The following PCSK2 variants were observed in gnomAD, a reference collection of about 807,000 sequenced individuals.
PCSK2 encodes the protein neuroendocrine convertase 2.
Under a neutral mutation model 69.7 loss-of-function variants are expected in PCSK2, and 14 were observed. The ratio of observed to expected loss-of-function variants is 0.20; its 90% CI spans 0.13 to 0.31. The LOEUF is 0.31. Ranked by LOEUF, PCSK2 falls within the 10% of genes least tolerant of loss-of-function variation. PCSK2 has a pLI of 1.00. For missense variants in PCSK2, 544 were observed against 842.5 expected, an observed-to-expected ratio of 0.65 and a Z score of 4.39; for synonymous variants, 307 against 320.7, an observed-to-expected ratio of 0.96 and a Z score of 0.46.
At chr20:17,257,151 G>A (rs767314178) in intron 1 of PCSK2, among the ~76,000 whole-genome samples, 2 of 152,044 alleles carry the variant, frequency 1.3e-5, no homozygotes, top group African/African-American at 2.4e-5. Flanking sequence ...TACTTACGTG[G>A]CCAACAAACA....
intron 1 of PCSK2, among the ~76,000 whole-genome samples, chr20:17,252,698 C>T (rs760014811): frequency 1.3e-5 from 2 of 152,178 alleles, no homozygotes; most frequent in Non-Finnish European, 2.9e-5. Flanking sequence ...GTGTGCAAAT[C>T]TTCCTTCCCT....
At chr20:17,236,472 A>T (rs1234588056) in intron 1 of PCSK2, among the ~76,000 whole-genome samples, 1 of 152,124 alleles carries the variant, frequency 6.6e-6, no homozygotes, top group Non-Finnish European at 1.5e-5. Flanking sequence ...TGCTTTGTAA[A>T]ATGGGGAAAT....
At chr20:17,428,968 C>T (rs928272583) in intron 6 of PCSK2, among the ~76,000 whole-genome samples, 4 of 118,778 alleles carry the variant, frequency 3.4e-5, no homozygotes, top group African/African-American at 1.3e-4. Context: ...CACTGCATTC[C>T]AGCCTGGGTG....
At chr20:17,428,997 C>CAAAAA (rs60206058) in intron 6 of PCSK2, among the ~76,000 whole-genome samples, 627 of 36,976 alleles carry the variant, frequency 0.017, 79 homozygotes, top group Middle Eastern at 0.033. Context: ...GACTCTGTCT[C>CAAAAA]AAAAAAAAAA....
Position 17,479,558 on chromosome 20 carries a change from G to T in PCSK2, c.1431-2026G>T, listed in dbSNP as rs181990076. On this transcript the variant is annotated intron_variant, in intron 11 of 11. Coordinates refer to ENST00000262545, the MANE Select transcript of PCSK2 (RefSeq NM_002594.5). Reference sequence around the variant, plus strand: ...CTCACGCCTGTAATCTCAGCACTTTGGGAGGCCGAGGCAGGCGGATCACAA... The same window carrying T: ...CTCACGCCTGTAATCTCAGCACTTTTGGAGGCCGAGGCAGGCGGATCACAA... 11 of 289,798 alleles carry T rather than the reference G, an allele frequency of 3.8e-5. No individual in the cohort carries two copies. In the East Asian group the frequency reaches 9.3e-4, roughly 24 times the overall value. The allele number at this position is 289,798 out of a possible 1,614,324, so 18.0% of individuals were successfully genotyped here. A position where few individuals can be genotyped will look rare whatever the true frequency, so the allele number is the denominator to read the frequency against.
rs183715507 is a variant in PCSK2, at chr20:17,241,310, C to G, written c.177+13828C>G. ...CAAGTAGTTTTGTCTGTCTAGATGA[C>G]AAGAGACTGGGAGATGAGGCCAAAG... On this transcript the variant is annotated intron_variant, in intron 1 of 11. Coordinates refer to ENST00000262545, the MANE Select transcript of PCSK2 (RefSeq NM_002594.5). Among the ~76,000 whole-genome samples, 867 of 152,266 alleles carry G rather than the reference C, an allele frequency of 5.7e-3. 5 individuals are homozygous for G. The highest frequency in any genetic ancestry group is 9.5e-3 in the Non-Finnish European group (643 of 68,014).
intron 4 of PCSK2, 43 bp downstream of exon 4, chr20:17,360,683 C>A (rs1038952171): frequency 3.6e-6 from 4 of 1,120,934 alleles, no homozygotes; most frequent in African/African-American, 1.5e-5. Flanking sequence ...AATAAGCGTG[C>A]CTTTGCTTGC....
chr20:17,260,630 G>A (rs754475111), intron 2 of PCSK2, among the ~76,000 whole-genome samples: 24 of 152,148 alleles, frequency 1.6e-4, no homozygotes, highest in South Asian at 4.1e-4. Context: ...ACTTCGGGTT[G>A]CCTGGGAACA....
chr20:17,382,943 T>G (rs2031128015), intron 5 of PCSK2, among the ~76,000 whole-genome samples: 1 of 152,178 alleles, frequency 6.6e-6, no homozygotes, highest in Admixed American at 6.5e-5. Context: ...CAACTTATAT[T>G]GCACACCCTG....
intron 6 of PCSK2, among the ~76,000 whole-genome samples, chr20:17,409,950 T>C (rs1228653650): frequency 6.6e-6 from 1 of 152,214 alleles, no homozygotes; most frequent in Non-Finnish European, 1.5e-5. Flanking sequence ...TCTTAAATGG[T>C]TAATTACATA....
chr20:17,467,780 C>T (rs1427110517), intron 11 of PCSK2, among the ~76,000 whole-genome samples: 1 of 152,188 alleles, frequency 6.6e-6, no homozygotes, highest in Non-Finnish European at 1.5e-5. Context: ...TTTAGCAACA[C>T]ACAAGTCTAC....
intron 10 of PCSK2, among the ~76,000 whole-genome samples, chr20:17,456,883 A>G (rs889780830): frequency 1.4e-4 from 21 of 152,244 alleles, no homozygotes; most frequent in Non-Finnish European, 4.4e-5. Flanking sequence ...AAGTGGTCCC[A>G]CTCAAGATTT....
At chr20:17,479,274 G>A (rs2033347201) in intron 11 of PCSK2, 2 of 1,048,656 alleles carry the variant, frequency 1.9e-6, no homozygotes, top group Non-Finnish European at 3.0e-6. Flanking sequence ...AGGCAGATGT[G>A]TTAACGATAA....
At chr20:17,392,773 G>A (rs2031416594) in intron 5 of PCSK2, among the ~76,000 whole-genome samples, 1 of 151,952 alleles carries the variant, frequency 6.6e-6, no homozygotes. Context: ...TTTTATTGTT[G>A]CGTAGCATTC....
At chr20:17,435,119 A>T (rs1354408371) in intron 7 of PCSK2, among the ~76,000 whole-genome samples, 1 of 152,326 alleles carries the variant, frequency 6.6e-6, no homozygotes, top group Non-Finnish European at 1.5e-5. Context: ...TGGTGATTAC[A>T]CTTATGGGTT....
chr20:17,336,651 A>C (rs1019551922), intron 2 of PCSK2, among the ~76,000 whole-genome samples: 1 of 152,190 alleles, frequency 6.6e-6, no homozygotes, highest in African/African-American at 2.4e-5. Flanking sequence ...CCCACTACAC[A>C]CTGTGGTTTT....
At chr20:17,350,350 A>G (rs1262781857) in intron 2 of PCSK2, among the ~76,000 whole-genome samples, 1 of 151,518 alleles carries the variant, frequency 6.6e-6, no homozygotes, top group Non-Finnish European at 1.5e-5. Context: ...TATTTTTAGC[A>G]ACATGTTAGT....
At chr20:17,378,277 G>A (rs190827778) in intron 5 of PCSK2, among the ~76,000 whole-genome samples, 56 of 149,600 alleles carry the variant, frequency 3.7e-4, no homozygotes, top group Admixed American at 8.0e-4. Flanking sequence ...TTCTTGGGTC[G>A]ATACAGCATA....
intron 2 of PCSK2, among the ~76,000 whole-genome samples, chr20:17,288,318 C>T (rs76774130): frequency 0.013 from 2,014 of 152,280 alleles, 41 homozygotes; most frequent in African/African-American, 0.045. Context: ...GGGGAGAGGC[C>T]AGGGATTCTG....
Sources: allele counts gnomAD v4.1 joint callset (sites outside exome capture counted in the v4.1 genomes callset), GRCh38; gene constraint gnomAD v4.1.1; transcripts MANE v1.5; gene names NCBI Gene and HGNC (gene_info 2026-07-23, HGNC 2026-07-21).